KLHL1: variants seen among roughly 807,000 people sequenced by gnomAD.
The protein encoded by KLHL1 is kelch like family member 1.
In KLHL1, 47 loss-of-function variants were observed where a neutral mutation model predicts 77.7. The ratio of observed to expected loss-of-function variants is 0.60; its 90% CI spans 0.48 to 0.77. The LOEUF (loss-of-function observed/expected upper bound fraction) is 0.77. Ranked by LOEUF, KLHL1 falls within the 30% of genes least tolerant of loss-of-function variation. KLHL1 has a pLI of 0.00. For synonymous variants in KLHL1, 360 were observed against 325.2 expected (o/e 1.11, Z -1.15); for missense variants, 925 against 910.8 (o/e 1.02, Z -0.20).
chr13:69,775,037 CTA>C, intron 7 of KLHL1, among the ~76,000 whole-genome samples: 1 of 152,298 alleles, frequency 6.6e-6, no homozygotes, highest in East Asian at 1.9e-4. Context: ...AATCTAATCT[CTA>C]TTTCTGAGCT....
intron 4 of KLHL1, among the ~76,000 whole-genome samples, chr13:69,893,229 T>G (rs1281927067): frequency 6.7e-6 from 1 of 149,634 alleles, no homozygotes; most frequent in Non-Finnish European, 1.5e-5. Context: ...TACATAAATT[T>G]TTTTTTTTTT....
intron 8 of KLHL1, among the ~76,000 whole-genome samples, chr13:69,735,463 A>G (rs1873725577): frequency 6.6e-6 from 1 of 150,550 alleles, no homozygotes; most frequent in South Asian, 2.1e-4. Context: ...AAAATCTATT[A>G]TAAATTGAAT....
intron 5 of KLHL1, among the ~76,000 whole-genome samples, chr13:69,854,780 TA>T (rs751689011): frequency 6.6e-6 from 1 of 151,992 alleles, no homozygotes; most frequent in Non-Finnish European, 1.5e-5. Context: ...TTGAATACAT[TA>T]AAGTGATCCA....
chr13:70,063,352 T>A (rs1198443181), intron 1 of KLHL1, among the ~76,000 whole-genome samples: 1 of 152,154 alleles, frequency 6.6e-6, no homozygotes, highest in Non-Finnish European at 1.5e-5. Context: ...ATAAATCTTA[T>A]GTTCTTTATA....
intron 3 of KLHL1, among the ~76,000 whole-genome samples, chr13:69,952,825 G>C (rs1457157244): frequency 1.3e-5 from 2 of 151,280 alleles, no homozygotes; most frequent in Admixed American, 1.3e-4. Flanking sequence ...GTAATTTACA[G>C]AAGTCTTAAG....
chr13:69,820,220 A>G (rs1376142407), intron 6 of KLHL1, among the ~76,000 whole-genome samples: 2 of 152,198 alleles, frequency 1.3e-5, no homozygotes, highest in Non-Finnish European at 2.9e-5. Context: ...GTTCTGATAT[A>G]CGTGAATTTC....
chr13:69,852,157 C>T (rs181060092), intron 5 of KLHL1, among the ~76,000 whole-genome samples: 16 of 151,942 alleles, frequency 1.1e-4, no homozygotes, highest in Admixed American at 2.0e-4. Flanking sequence ...GACTAGCTAA[C>T]GAGAAAAAGG....
chr13:69,897,539 A>C (rs572538553), intron 4 of KLHL1, among the ~76,000 whole-genome samples: 2 of 152,326 alleles, frequency 1.3e-5, no homozygotes, highest in South Asian at 4.1e-4. Flanking sequence ...CTTCACAATA[A>C]ATGAGAAAAT....
rs186257511 is a variant in KLHL1 at position 69,730,037 on chromosome 13, C to T, written c.1802+10357G>A. 3.7e-4 allele frequency among the ~76,000 whole-genome samples: 56 copies of T among 151,998 alleles called. 1 individual carries two copies. Among genetic ancestry groups the T allele is most frequent in the African/African-American group, 1.3e-3 (53 of 41,472 alleles). Reference sequence around the variant, plus strand: ...TTTCTATGTATAGTCAATTTAAAAGCGACAGTAGAAGAAACTAGATAGACA... The same window carrying T: ...TTTCTATGTATAGTCAATTTAAAAGTGACAGTAGAAGAAACTAGATAGACA... On this transcript the variant is annotated intron_variant, in intron 8 of 10. Transcript: ENST00000377844.
intron 8 of KLHL1, among the ~76,000 whole-genome samples, chr13:69,733,962 TA>T (rs1351392372): frequency 2.0e-5 from 3 of 152,060 alleles, no homozygotes; most frequent in Non-Finnish European, 4.4e-5. Context: ...CTACACTCAG[TA>T]GTTGAGTGTA....
intron 4 of KLHL1, among the ~76,000 whole-genome samples, chr13:69,920,665 C>T (rs867843882): frequency 1.3e-5 from 2 of 151,656 alleles, no homozygotes; most frequent in Non-Finnish European, 3.0e-5. Context: ...AATCTTTATG[C>T]AGATATACCT....
intron 8 of KLHL1, among the ~76,000 whole-genome samples, chr13:69,726,784 C>A (rs74090425): frequency 0.083 from 12,697 of 152,128 alleles, 949 homozygotes; most frequent in African/African-American, 0.2. Flanking sequence ...CAACTCTACG[C>A]GTTTTATAAT....
intron 4 of KLHL1, among the ~76,000 whole-genome samples, chr13:69,888,466 A>T (rs2138204871): frequency 6.6e-6 from 1 of 152,244 alleles, no homozygotes; most frequent in Middle Eastern, 3.4e-3. Context: ...TTCTAAGAGA[A>T]ATTTTGAGAT....
At chr13:69,954,196 G>A (rs2137258906) in intron 3 of KLHL1, among the ~76,000 whole-genome samples, 1 of 151,336 alleles carries the variant, frequency 6.6e-6, no homozygotes, top group South Asian at 2.1e-4. Context: ...CTGAGTGGTA[G>A]TTGCATATCA....
chr13:69,895,207 G>T, intron 4 of KLHL1: 1 of 504,754 alleles, frequency 2.0e-6, no homozygotes, highest in Non-Finnish European at 3.9e-6. Flanking sequence ...CTGAATGTGA[G>T]GTGTTACCAG....
chr13:69,705,682 T>G (rs750720032), intron 10 of KLHL1, among the ~76,000 whole-genome samples: 1 of 151,804 alleles, frequency 6.6e-6, no homozygotes, highest in Admixed American at 6.6e-5. Flanking sequence ...TTAAAGTAAC[T>G]TAACAGTTTT....
chr13:69,819,804 C>G (rs1878263742), intron 6 of KLHL1, among the ~76,000 whole-genome samples: 1 of 152,068 alleles, frequency 6.6e-6, no homozygotes, highest in African/African-American at 2.4e-5. Flanking sequence ...ATAAACAGAG[C>G]AACGTGATAA....
At chr13:69,801,448 C>G (rs1218793550) in intron 6 of KLHL1, among the ~76,000 whole-genome samples, 2 of 152,170 alleles carry the variant, frequency 1.3e-5, no homozygotes, top group African/African-American at 2.4e-5. Context: ...TGTTTTTTCT[C>G]TTAAACTCAA....
At chr13:69,815,022 TAA>T (rs1566284901) in intron 6 of KLHL1, among the ~76,000 whole-genome samples, 1 of 148,782 alleles carries the variant, frequency 6.7e-6, no homozygotes, top group Non-Finnish European at 1.5e-5. Flanking sequence ...AAAAAATAAA[TAA>T]AATAAAATAA....
Sources: allele counts gnomAD v4.1 joint callset (sites outside exome capture counted in the v4.1 genomes callset), GRCh38; gene constraint gnomAD v4.1.1; transcripts MANE v1.5; gene names NCBI Gene and HGNC (gene_info 2026-07-23, HGNC 2026-07-21).